Variants in BBS12 observed in about 807,000 individuals in gnomAD.
BBS12 encodes the protein chaperonin-containing T-complex member BBS12.
BBS12 carries 5 observed loss-of-function variants against 5.6 expected under a neutral mutation model. The observed-to-expected ratio is 0.89, with a 90% CI of 0.46 to 1.86. The LOEUF (loss-of-function observed/expected upper bound fraction) is 1.86, where lower values mean the gene tolerates loss of function less well. Ranked by LOEUF, BBS12 falls within the 40% of genes most tolerant of loss-of-function variation. The pLI is 0.01. For synonymous variants in BBS12, 308 were observed against 306.8 expected (o/e 1.00, Z -0.04); for missense variants, 748 against 830.4 (o/e 0.90, Z 1.22).
At chr4:122,733,445 C>T (rs1800736346) in intron 1 of BBS12, among the ~76,000 whole-genome samples, 1 of 147,362 alleles carries the variant, frequency 6.8e-6, no homozygotes, top group Admixed American at 7.0e-5. Flanking sequence ...TTCCTTGGCC[C>T]AGTCCTAAGA....
intron 1 of BBS12, among the ~76,000 whole-genome samples, chr4:122,739,235 A>G (rs1800829332): frequency 6.6e-6 from 1 of 152,330 alleles, no homozygotes; most frequent in African/African-American, 2.4e-5. Flanking sequence ...TAAGCTACCC[A>G]GTTGTTTGTG....
chr4:122,713,826 AG>A, the BBS12 span, among the ~76,000 whole-genome samples: 1 of 152,332 alleles, frequency 6.6e-6, no homozygotes, highest in South Asian at 2.1e-4. Flanking sequence ...CAATTTAAAA[AG>A]ATTATACCCT....
chr4:122,725,082 C>T, the BBS12 span, among the ~76,000 whole-genome samples: 1 of 152,054 alleles, frequency 6.6e-6, no homozygotes, highest in Non-Finnish European at 1.5e-5. Context: ...AAAGCATTGC[C>T]ATTTTACTGT....
At chr4:122,737,505 A>G (rs1336378824) in intron 1 of BBS12, among the ~76,000 whole-genome samples, 1 of 152,210 alleles carries the variant, frequency 6.6e-6, no homozygotes, top group Non-Finnish European at 1.5e-5. Flanking sequence ...GTGAATGAAT[A>G]CTACATTACA....
At chr4:122,719,499 GTGAGGGTC>G in the BBS12 span, among the ~76,000 whole-genome samples, 359 of 152,102 alleles carry the variant, frequency 2.4e-3, 2 homozygotes, top group African/African-American at 8.3e-3. Flanking sequence ...AACACTCACC[GTGAGGGTC>G]TGCAGCTTCA....
At chr4:122,738,512 G>A (rs1800819679) in intron 1 of BBS12, among the ~76,000 whole-genome samples, 1 of 152,166 alleles carries the variant, frequency 6.6e-6, no homozygotes, top group Admixed American at 6.5e-5. Flanking sequence ...GCCTGGCCTA[G>A]ATTTCTAATT....
chr4:122,725,742 C>CA, the BBS12 span, among the ~76,000 whole-genome samples: 1 of 151,620 alleles, frequency 6.6e-6, no homozygotes, highest in African/African-American at 2.4e-5. Flanking sequence ...ACTAAAAATA[C>CA]AAAAAATTAG....
the BBS12 span, among the ~76,000 whole-genome samples, chr4:122,714,941 T>G: frequency 6.6e-6 from 1 of 152,082 alleles, no homozygotes; most frequent in African/African-American, 2.4e-5. Flanking sequence ...TTTACATAGT[T>G]GAGGAAACAG....
At chr4:122,726,266 T>G in the BBS12 span, among the ~76,000 whole-genome samples, 1 of 152,092 alleles carries the variant, frequency 6.6e-6, no homozygotes, top group African/African-American at 2.4e-5. Context: ...GCTAAGGACA[T>G]GAATAGACAA....
chr4:122,716,958 CA>C, the BBS12 span, among the ~76,000 whole-genome samples: 1 of 152,094 alleles, frequency 6.6e-6, no homozygotes, highest in African/African-American at 2.4e-5. Context: ...TAATTTATGT[CA>C]AACTATCAAA....
the BBS12 span, among the ~76,000 whole-genome samples, chr4:122,702,047 T>C: frequency 6.6e-6 from 1 of 152,202 alleles, no homozygotes; most frequent in Non-Finnish European, 1.5e-5. Context: ...CCAGAATTTC[T>C]TCTAAAGATC....
rs1800945725 is a variant in BBS12, at chr4:122,743,991, A to G, written c.2099A>G (p.Asn700Ser). 1.2e-6 allele frequency: 2 copies of G among 1,614,048 alleles called. No homozygotes were observed. The highest frequency in any genetic ancestry group is 2.2e-5 in the South Asian group (2 of 91,068). ...ACTGGACATGGACACACACAGATAA[A>G]TTCACAGGAATTAACGGGCTTTCTA... Reference protein sequence around the residue: ...IITGHGHTQINSQELTGFLFL With the variant: ...IITGHGHTQISSQELTGFLFL The change falls in exon 2 of 2, where the codon AAT becomes AGT. Residue 700 changes from asparagine to serine, a missense_variant. Physicochemically the swap from Asn to Ser is conservative, Grantham distance 46. Coordinates refer to ENST00000314218, the MANE Select transcript of BBS12 (RefSeq NM_152618.3).
At chr4:122,730,096 GA>G (rs1319636373), upstream of BBS12, 5 of 152,124 alleles carry the variant, frequency 3.3e-5, no homozygotes, top group Non-Finnish European at 7.4e-5. Context: ...ACTAAAAGAA[GA>G]AAATTAGCAA....
chr4:122,707,820 G>A, the BBS12 span, among the ~76,000 whole-genome samples: 8 of 152,080 alleles, frequency 5.3e-5, no homozygotes, highest in East Asian at 1.4e-3. Flanking sequence ...AGAAGCAGGG[G>A]CAAGAGAGGA....
the BBS12 span, among the ~76,000 whole-genome samples, chr4:122,720,317 G>C: frequency 6.6e-6 from 1 of 152,160 alleles, no homozygotes; most frequent in Non-Finnish European, 1.5e-5. Flanking sequence ...CAGGCATGCT[G>C]GTGCACATCA....
the BBS12 span, among the ~76,000 whole-genome samples, chr4:122,711,045 A>T: frequency 4.6e-5 from 7 of 152,218 alleles, no homozygotes; most frequent in Admixed American, 6.5e-5. Context: ...TAGATTGTTT[A>T]ACTCAGTCTG....
the BBS12 span, among the ~76,000 whole-genome samples, chr4:122,717,877 A>G: frequency 1.1e-4 from 16 of 152,320 alleles, no homozygotes; most frequent in African/African-American, 3.6e-4. Flanking sequence ...TCTCCCATTT[A>G]AAAGATAACT....
the BBS12 span, among the ~76,000 whole-genome samples, chr4:122,713,716 G>A: frequency 6.6e-6 from 1 of 152,164 alleles, no homozygotes; most frequent in Non-Finnish European, 1.5e-5. Flanking sequence ...TCCTTGTGGT[G>A]TCATGGCTGT....
Position 122,742,599 on chromosome 4 carries a change from ATTTT to A in BBS12, c.708_711del (p.His236GlnfsTer10). 6.2e-7 allele frequency: 1 copy of A among 1,614,236 alleles called. No individual in the cohort carries two copies. Among genetic ancestry groups the A allele is most frequent in the Non-Finnish European group, 8.5e-7 (1 of 1,180,034 alleles). The stretch of plus-strand genomic sequence containing the variant: ...CAGTCAATACTAATCCACAGTAGGC[ATTTT>A]AATAGGACAGATAATACTGAAGGGG... On this transcript the variant is annotated frameshift_variant, in exon 2 of 2. Coordinates refer to ENST00000314218, the MANE Select transcript of BBS12 (RefSeq NM_152618.3). LOFTEE classifies it low-confidence loss of function (END_TRUNC).
Sources: gnomAD v4.1 joint callset for allele counts (sites outside exome capture counted in the v4.1 genomes callset) on GRCh38, gnomAD v4.1.1 for gene constraint, MANE v1.5 for transcripts, NCBI Gene and HGNC (gene_info 2026-07-23, HGNC 2026-07-21) for gene names.